The following SEPTIN9 variants were observed in gnomAD, a reference collection of about 807,000 sequenced individuals.
SEPTIN9 encodes septin 9, also known as septin-9.
A neutral mutation model predicts 56.6 loss-of-function variants in SEPTIN9; 13 were observed. That is an observed-to-expected ratio of 0.23 (90% CI 0.15 to 0.37). The LOEUF (loss-of-function observed/expected upper bound fraction) is 0.37, where lower values mean the gene tolerates loss of function less well. Ranked by LOEUF, SEPTIN9 falls within the 10% of genes least tolerant of loss-of-function variation. The pLI, the probability that SEPTIN9 is intolerant of heterozygous loss-of-function variation, is 1.00. For synonymous variants in SEPTIN9, 332 were observed against 334.1 expected (o/e 0.99, Z 0.07); for missense variants, 650 against 823.1 (o/e 0.79, Z 2.57).
chr17:77,466,391 CGG>C, intron 3 of SEPTIN9: 1 of 985,422 alleles, frequency 1.0e-6, no homozygotes, highest in Non-Finnish European at 1.2e-6. Context: ...AGCTCCTTCC[CGG>C]AGTTCGGGCT....
intron 2 of SEPTIN9, among the ~76,000 whole-genome samples, chr17:77,393,118 G>C (rs1471994342): frequency 6.6e-6 from 1 of 152,088 alleles, no homozygotes; most frequent in East Asian, 1.9e-4. Context: ...AGTGGGAGGG[G>C]ACACCAGGGG....
At position 77,453,577 on chromosome 17, in the gene SEPTIN9, T is replaced by A. The variant is rs1005998751; in HGVS notation, c.722-28567T>A. On this transcript the variant is annotated intron_variant, in intron 3 of 11. Coordinates refer to ENST00000427177, the MANE Select transcript of SEPTIN9 (RefSeq NM_001113491.2). This position sits in a 1 kb window ranked among gnomAD's most constrained non-coding sequence, Gnocchi z 4.4. ...CTGAGATTGTGCTACTGCACTCCAGTCTGGGCAACAAGAGTGAAACTCTGT... is the reference window on the plus strand; with the variant it reads ...CTGAGATTGTGCTACTGCACTCCAGACTGGGCAACAAGAGTGAAACTCTGT... Among the ~76,000 whole-genome samples, 1 of 148,622 alleles carries A rather than the reference T, an allele frequency of 6.7e-6. No individual in the cohort carries two copies. Among genetic ancestry groups the A allele is most frequent in the African/African-American group, 2.5e-5 (1 of 39,910 alleles).
intron 3 of SEPTIN9, chr17:77,454,015 C>A: frequency 1.0e-6 from 1 of 973,876 alleles, no homozygotes; most frequent in Non-Finnish European, 1.2e-6. Context: ...TTCCCATACA[C>A]CCCGGATGTT....
intron 2 of SEPTIN9, among the ~76,000 whole-genome samples, chr17:77,351,574 G>A (rs1427766809): frequency 2.6e-5 from 4 of 152,150 alleles, no homozygotes; most frequent in African/African-American, 7.2e-5. Flanking sequence ...TGTGAGCTGC[G>A]GTCAGCAGGA....
In SEPTIN9 at chr17:77,389,516, CG is replaced by C. The variant is rs2035457520; in HGVS notation, c.77-12542del. Among the ~76,000 whole-genome samples the C allele has an allele frequency of 6.6e-6, 1 of 152,114 alleles. No individual in the cohort carries two copies. Among genetic ancestry groups the C allele is most frequent in the African/African-American group, 2.4e-5 (1 of 41,414 alleles). Reference sequence around the variant, plus strand: ...CTCAGAGCTGCAGCCTGTGGTTTTTCGAAGTCAATCACCTCCCAGGGCCTCG... The same window carrying C: ...CTCAGAGCTGCAGCCTGTGGTTTTTCAAGTCAATCACCTCCCAGGGCCTCG... On this transcript the variant is annotated intron_variant, in intron 2 of 11. Transcript: ENST00000427177. The surrounding 1 kb of genome is among the most constrained non-coding windows in gnomAD (Gnocchi z 4.3).
At chr17:77,416,409 G>A (rs1038781575) in intron 3 of SEPTIN9, among the ~76,000 whole-genome samples, 2 of 152,192 alleles carry the variant, frequency 1.3e-5, no homozygotes, top group Non-Finnish European at 2.9e-5. Flanking sequence ...TTGGTGCTGA[G>A]CCCCCGGCCC....
rs1412118390 is a variant in SEPTIN9, at chr17:77,327,282, G to A, written c.76+20085G>A. 6.6e-6 allele frequency among the ~76,000 whole-genome samples: 1 copy of A among 152,146 alleles called. No individual in the cohort carries two copies. The highest frequency in any genetic ancestry group is 1.5e-5 in the Non-Finnish European group (1 of 68,016). On this transcript the variant is annotated intron_variant, in intron 2 of 11. Coordinates refer to ENST00000427177, the MANE Select transcript of SEPTIN9 (RefSeq NM_001113491.2). This position sits in a 1 kb window ranked among gnomAD's most constrained non-coding sequence, Gnocchi z 5.0. ...CCGGCCTGCTCCCACCAGGGGCTGAGGCCTCCTTGCTCACTCCAGCTTCCT... is the reference window on the plus strand; with the variant it reads ...CCGGCCTGCTCCCACCAGGGGCTGAAGCCTCCTTGCTCACTCCAGCTTCCT...
At chr17:77,432,377 C>G (rs570427614) in intron 3 of SEPTIN9, among the ~76,000 whole-genome samples, 4 of 152,346 alleles carry the variant, frequency 2.6e-5, no homozygotes, top group Admixed American at 2.0e-4. Context: ...CTCCCTTGTC[C>G]CTGTCACCTT....
intron 1 of SEPTIN9, among the ~76,000 whole-genome samples, chr17:77,283,961 C>G (rs1380391423): frequency 6.6e-6 from 1 of 152,194 alleles, no homozygotes; most frequent in Non-Finnish European, 1.5e-5. Context: ...CTGAGCAGTT[C>G]AGCCTCCAAA....
At position 77,498,779 on chromosome 17, in the gene SEPTIN9, T is replaced by A; in HGVS notation, c.*121T>A. 1 of 615,438 alleles carries A rather than the reference T, an allele frequency of 1.6e-6. No homozygotes were observed. Among genetic ancestry groups the A allele is most frequent in the Non-Finnish European group, 2.9e-6 (1 of 348,198 alleles). The allele number at this position is 615,438 out of a possible 1,614,324, so 38.1% of individuals were successfully genotyped here. ...CCATTTGTCATCGTTCCCCACCCCT[T>A]CGACATGCTGCCAGGAAACAAGGGA... On this transcript the variant is annotated 3_prime_UTR_variant, in exon 12 of 12. Coordinates refer to ENST00000427177, the MANE Select transcript of SEPTIN9 (RefSeq NM_001113491.2).
chr17:77,360,599 C>G (rs1367548711), intron 2 of SEPTIN9, among the ~76,000 whole-genome samples: 1 of 150,778 alleles, frequency 6.6e-6, no homozygotes, highest in Non-Finnish European at 1.5e-5. Flanking sequence ...GAGTCTCGCT[C>G]TGTCGCCCAG....
Position 77,498,410 on chromosome 17 carries a change from G to T in SEPTIN9, c.1626-113G>T, listed in dbSNP as rs974979090. 46 of 695,688 alleles carry T rather than the reference G, an allele frequency of 6.6e-5. No individual in the cohort carries two copies. The African/African-American group carries it at 7.7e-4, about 12-fold the overall frequency. 43.1% of individuals were successfully genotyped at this position (695,688 alleles called of 1,614,324 possible). A position where few individuals can be genotyped will look rare whatever the true frequency, so the allele number is the denominator to read the frequency against. On this transcript the variant is annotated intron_variant, in intron 11 of 11. Transcript: ENST00000427177. ...GAGCCAAGCAGTCGGGATGGGGAGT[G>T]GGGGTGGGGGCAGGCGGGCCTGAGT...
intron 2 of SEPTIN9, chr17:77,376,276 G>T (rs866118713): frequency 3.0e-6 from 3 of 985,850 alleles, no homozygotes; most frequent in Admixed American, 6.1e-5. Flanking sequence ...AGGCATGCCC[G>T]CCGGGAGTGC....
intron 3 of SEPTIN9, among the ~76,000 whole-genome samples, chr17:77,417,691 A>T (rs562089845): frequency 6.6e-6 from 1 of 152,204 alleles, no homozygotes; most frequent in African/African-American, 2.4e-5. Context: ...CGCAGGAGCC[A>T]TTCCTTTTGT....
intron 3 of SEPTIN9, among the ~76,000 whole-genome samples, chr17:77,455,918 C>A (rs2038180652): frequency 6.6e-6 from 1 of 152,114 alleles, no homozygotes; most frequent in Non-Finnish European, 1.5e-5. Flanking sequence ...GGGGGTTTTT[C>A]AGAAAAAGGG....
chr17:77,489,204 C>G (rs562156488), intron 7 of SEPTIN9, among the ~76,000 whole-genome samples: 1 of 152,174 alleles, frequency 6.6e-6, no homozygotes, highest in African/African-American at 2.4e-5. Flanking sequence ...GCCAAGCACC[C>G]GTAGCGGTGA....
chr17:77,350,012 G>A (rs1240677697), intron 2 of SEPTIN9, among the ~76,000 whole-genome samples: 2 of 152,210 alleles, frequency 1.3e-5, no homozygotes, highest in African/African-American at 4.8e-5. Context: ...TGGCTATGGT[G>A]CCCTAGACCA....
At chr17:77,368,215 T>G (rs1355104092) in intron 2 of SEPTIN9, among the ~76,000 whole-genome samples, 1 of 152,258 alleles carries the variant, frequency 6.6e-6, no homozygotes, top group Non-Finnish European at 1.5e-5. Context: ...TGGAAGAAGT[T>G]TCGGAGGTGG....
chr17:77,344,413 T>C (rs1350621909), intron 2 of SEPTIN9, among the ~76,000 whole-genome samples: 1 of 152,178 alleles, frequency 6.6e-6, no homozygotes, highest in Non-Finnish European at 1.5e-5. Flanking sequence ...CTGGTGGGAA[T>C]GTAAAATGGT....
Sources: allele counts gnomAD v4.1 joint callset (sites outside exome capture counted in the v4.1 genomes callset), GRCh38; gene constraint gnomAD v4.1.1; non-coding constraint Gnocchi (gnomAD v3.1); transcripts MANE v1.5; gene names NCBI Gene and HGNC (gene_info 2026-07-23, HGNC 2026-07-21).